LHFPL3: variants seen among roughly 807,000 people sequenced by gnomAD.
The protein encoded by LHFPL3 is LHFPL tetraspan subfamily member 3 protein.
Under a neutral mutation model 19.3 loss-of-function variants are expected in LHFPL3, and 5 were observed. The ratio of observed to expected loss-of-function variants is 0.26; its 90% CI spans 0.14 to 0.54. The LOEUF (loss-of-function observed/expected upper bound fraction) is 0.54. Among genes scored for constraint, LHFPL3 ranks in the 20% least tolerant of loss-of-function variants. The pLI is 0.94. For synonymous variants in LHFPL3, 133 were observed against 126.2 expected, an observed-to-expected ratio of 1.05 and a Z score of -0.36; for missense variants, 249 against 307.4, an observed-to-expected ratio of 0.81 and a Z score of 1.42.
rs557360971 is a variant in LHFPL3 at position 104,695,027 on chromosome 7, C to T, written c.446-41648C>T. Among the ~76,000 whole-genome samples, 3 of 152,334 alleles carry T rather than the reference C, an allele frequency of 2.0e-5. No homozygotes were observed. The South Asian group carries it at 6.2e-4, about 32-fold the overall frequency. On this transcript the variant is annotated intron_variant, in intron 1 of 2. Coordinates refer to ENST00000424859, the MANE Select transcript of LHFPL3 (RefSeq NM_199000.3). ...GTCATGGACCATGAAGAAAGGCAGACTTAACAGCTTATCTGCTGTCTCTTT... is the reference window on the plus strand; with the variant it reads ...GTCATGGACCATGAAGAAAGGCAGATTTAACAGCTTATCTGCTGTCTCTTT...
At chr7:104,710,982 A>C (rs758311726) in intron 1 of LHFPL3, among the ~76,000 whole-genome samples, 1 of 152,216 alleles carries the variant, frequency 6.6e-6, no homozygotes, top group Non-Finnish European at 1.5e-5. Flanking sequence ...ATGAACACTG[A>C]TACCATGAGA....
At chr7:104,466,477 G>A (rs1160424893) in intron 1 of LHFPL3, among the ~76,000 whole-genome samples, 2 of 152,144 alleles carry the variant, frequency 1.3e-5, no homozygotes, top group Non-Finnish European at 2.9e-5. Flanking sequence ...ACGTATATTG[G>A]TGCTACTACT....
intron 1 of LHFPL3, among the ~76,000 whole-genome samples, chr7:104,351,250 A>T (rs1790169149): frequency 6.6e-6 from 1 of 152,124 alleles, no homozygotes; most frequent in South Asian, 2.1e-4. Flanking sequence ...CCAGATCATC[A>T]TACCTTATCT....
intron 2 of LHFPL3, among the ~76,000 whole-genome samples, chr7:104,822,414 T>G (rs1044616107): frequency 6.6e-6 from 1 of 152,210 alleles, no homozygotes; most frequent in Admixed American, 6.5e-5. Flanking sequence ...TTCCTTCTGC[T>G]GCAGGGTTAC....
At chr7:104,676,091 C>G (rs1187661327) in intron 1 of LHFPL3, among the ~76,000 whole-genome samples, 1 of 152,142 alleles carries the variant, frequency 6.6e-6, no homozygotes, top group Non-Finnish European at 1.5e-5. Flanking sequence ...GGAGGAGCAG[C>G]AAAGAAGACT....
chr7:104,806,303 T>A (rs896811854), intron 2 of LHFPL3, among the ~76,000 whole-genome samples: 4 of 152,278 alleles, frequency 2.6e-5, no homozygotes, highest in Non-Finnish European at 5.9e-5. Context: ...AGATGTATTA[T>A]GTCTTTTGAA....
intron 1 of LHFPL3, among the ~76,000 whole-genome samples, chr7:104,374,595 G>C (rs544891400): frequency 5.9e-5 from 9 of 152,218 alleles, no homozygotes; most frequent in African/African-American, 2.2e-4. Flanking sequence ...ACGGGTGGGA[G>C]ACACATGAAA....
chr7:104,339,056 TG>T (rs1789895037), intron 1 of LHFPL3, among the ~76,000 whole-genome samples: 1 of 152,186 alleles, frequency 6.6e-6, no homozygotes, highest in South Asian at 2.1e-4. Flanking sequence ...AAGACCAGCC[TG>T]ACCAACATGG....
At chr7:104,486,924 G>A (rs997075146) in intron 1 of LHFPL3, among the ~76,000 whole-genome samples, 2 of 151,518 alleles carry the variant, frequency 1.3e-5, no homozygotes, top group Non-Finnish European at 2.9e-5. Flanking sequence ...ATAAATATTT[G>A]CTTGTGAATT....
At chr7:104,842,184 T>TAAAAAAAA (rs11429366) in intron 2 of LHFPL3, among the ~76,000 whole-genome samples, 1 of 141,482 alleles carries the variant, frequency 7.1e-6, no homozygotes. Context: ...CACAATCCTT[T>TAAAAAAAA]AAAAAAAAAA....
chr7:104,769,724 C>T (rs760904367), intron 2 of LHFPL3, among the ~76,000 whole-genome samples: 1 of 150,686 alleles, frequency 6.6e-6, no homozygotes, highest in African/African-American at 2.5e-5. Context: ...GTTTTCTGTT[C>T]TTGTGATAGT....
intron 2 of LHFPL3, among the ~76,000 whole-genome samples, chr7:104,862,657 G>T (rs923376236): frequency 1.3e-5 from 2 of 152,108 alleles, no homozygotes; most frequent in African/African-American, 4.8e-5. Context: ...CCCCTGACTG[G>T]GTACCAGATC....
At chr7:104,669,674 C>T (rs1348713893) in intron 1 of LHFPL3, 7 of 1,289,236 alleles carry the variant, frequency 5.4e-6, no homozygotes, top group Non-Finnish European at 7.6e-6. Flanking sequence ...ATAAAACTCA[C>T]CATCTCCTGA....
intron 1 of LHFPL3, among the ~76,000 whole-genome samples, chr7:104,494,921 TG>T (rs1163342203): frequency 6.6e-6 from 1 of 152,156 alleles, no homozygotes; most frequent in Non-Finnish European, 1.5e-5. Flanking sequence ...TCTTCTCATC[TG>T]GAACTCAGCT....
At chr7:104,882,556 A>T (rs1374683729) in intron 2 of LHFPL3, among the ~76,000 whole-genome samples, 1 of 152,132 alleles carries the variant, frequency 6.6e-6, no homozygotes, top group Non-Finnish European at 1.5e-5. Flanking sequence ...CCTGTACCAC[A>T]TTTCATTTAT....
intron 2 of LHFPL3, among the ~76,000 whole-genome samples, chr7:104,878,695 T>C (rs1281737745): frequency 6.6e-6 from 1 of 152,108 alleles, no homozygotes; most frequent in Non-Finnish European, 1.5e-5. Flanking sequence ...AATCAAAAGC[T>C]AGAAATGACT....
chr7:104,836,584 T>C (rs1174913665), intron 2 of LHFPL3, among the ~76,000 whole-genome samples: 2 of 152,172 alleles, frequency 1.3e-5, no homozygotes, highest in African/African-American at 4.8e-5. Flanking sequence ...GAAGCAAAAG[T>C]TGACCATCTG....
intron 2 of LHFPL3, among the ~76,000 whole-genome samples, chr7:104,876,853 A>G (rs1316741956): frequency 6.6e-6 from 1 of 152,240 alleles, no homozygotes; most frequent in Admixed American, 6.5e-5. Context: ...ACTATTCACA[A>G]AAGCAAAGAC....
At chr7:104,331,288 C>T (rs1022745486) in intron 1 of LHFPL3, among the ~76,000 whole-genome samples, 3 of 152,146 alleles carry the variant, frequency 2.0e-5, no homozygotes, top group Admixed American at 6.5e-5. Context: ...CTGTTTTCCA[C>T]GTCATGTAAA....
Sources: gnomAD v4.1 joint callset for allele counts (sites outside exome capture counted in the v4.1 genomes callset) on GRCh38, gnomAD v4.1.1 for gene constraint, MANE v1.5 for transcripts, NCBI Gene and HGNC (gene_info 2026-07-23, HGNC 2026-07-21) for gene names.